RPGRIP1L: variants seen among roughly 807,000 people sequenced by gnomAD.
The protein encoded by RPGRIP1L is protein fantom.
A neutral mutation model predicts 160.4 loss-of-function variants in RPGRIP1L; 131 were observed. The ratio of observed to expected loss-of-function variants is 0.82; its 90% confidence interval spans 0.71 to 0.94. RPGRIP1L has a LOEUF of 0.94. RPGRIP1L is among the 40% of genes least tolerant of loss of function. The pLI is 0.00. For synonymous variants in RPGRIP1L, 510 were observed against 515.8 expected, an observed-to-expected ratio of 0.99 and a Z score of 0.15; for missense variants, 1,522 against 1,535.8, an observed-to-expected ratio of 0.99 and a Z score of 0.15.
At position 53,692,097 on chromosome 16, in the gene RPGRIP1L, T is replaced by C; in HGVS notation, c.498A>G (p.Glu166=). Residue 166 remains glutamate (E), a synonymous_variant, in exon 4 of 27, where the codon GAA becomes GAG. Coordinates refer to ENST00000647211, the MANE Select transcript of RPGRIP1L (RefSeq NM_015272.5). ...RINTGRRKAN[E]NAGLQECPRK... The stretch of plus-strand genomic sequence containing the variant: ...TGGGGCATTCCTGTAAACCAGCATT[T>C]TCATTTGCTTTTCTACGCCCAGTGT... The C allele has an allele frequency of 1.2e-6, 2 of 1,614,194 alleles. No homozygotes were observed. Among genetic ancestry groups the C allele is most frequent in the South Asian group, 2.2e-5 (2 of 91,080 alleles).
intron 5 of RPGRIP1L, among the ~76,000 whole-genome samples, chr16:53,687,576 T>C (rs1266585334): frequency 6.6e-6 from 1 of 152,140 alleles, no homozygotes; most frequent in Admixed American, 6.5e-5. Flanking sequence ...ATGTTGCCTC[T>C]AAATCTTACA....
At position 53,641,310 on chromosome 16, in the gene RPGRIP1L, GC is replaced by G; in HGVS notation, c.2848del (p.Ala950HisfsTer7). Reference protein sequence around the residue: ...EPEVVQRLPPASSVSTLVLAP... With the variant: ...EPEVVQRLPPXSSVSTLVLAP... ...TAAAACTAGTGTGCTAACAGAGGAT[GC>G]TGGAGGAAGTCTTTGAACAACTTCT... On this transcript the variant is annotated frameshift_variant, in exon 18 of 27. Transcript: ENST00000647211. LOFTEE classifies it high-confidence loss of function. 2 of 1,614,002 alleles carry G rather than the reference GC, an allele frequency of 1.2e-6. No individual in the cohort carries two copies. Among genetic ancestry groups the G allele is most frequent in the Non-Finnish European group, 1.7e-6 (2 of 1,179,956 alleles).
At chr16:53,610,936 C>T in intron 25 of RPGRIP1L, 31 bp downstream of exon 25, 1 of 1,479,784 alleles carries the variant, frequency 6.8e-7, no homozygotes. Flanking sequence ...TTTATGTAAA[C>T]CATTAGATTA....
chr16:53,699,839 A>AT (rs1971243183), intron 2 of RPGRIP1L, among the ~76,000 whole-genome samples: 1 of 151,352 alleles, frequency 6.6e-6, no homozygotes, highest in Admixed American at 6.6e-5. Flanking sequence ...AAAAAAAAAA[A>AT]ATTTCTGTGT....
intron 24 of RPGRIP1L, among the ~76,000 whole-genome samples, chr16:53,614,176 C>A (rs1406280498): frequency 3.3e-5 from 5 of 152,120 alleles, no homozygotes; most frequent in Non-Finnish European, 7.4e-5. Context: ...TATTTCTTGG[C>A]AGAAAACTTT....
At position 53,648,997 on chromosome 16, in the gene RPGRIP1L, T is replaced by C. The variant is rs2151101735; in HGVS notation, c.2271A>G (p.Thr757=). ...RERAKALGYI[T]SNFKGPEHMQ... ...TATGCTCTGGCCCCTTAAAATTTGA[T>C]GTTATATACCCCAAAGCCTTTGCCC... is the stretch of plus-strand genomic sequence containing the variant. Residue 757 remains threonine (T), a synonymous_variant, in exon 16 of 27, where the codon ACA becomes ACG. Transcript: ENST00000647211. The C allele has an allele frequency of 6.2e-7, 1 of 1,614,116 alleles. No individual in the cohort carries two copies. The highest frequency in any genetic ancestry group is 8.5e-7 in the Non-Finnish European group (1 of 1,179,976).
At chr16:53,680,097 T>G (rs565011875) in intron 6 of RPGRIP1L, among the ~76,000 whole-genome samples, 1 of 152,204 alleles carries the variant, frequency 6.6e-6, no homozygotes, top group African/African-American at 2.4e-5. Flanking sequence ...GTAACTATTA[T>G]CTGTGACAAT....
intron 4 of RPGRIP1L, among the ~76,000 whole-genome samples, chr16:53,690,069 A>G (rs1353231976): frequency 1.3e-5 from 2 of 152,234 alleles, no homozygotes; most frequent in Admixed American, 1.3e-4. Flanking sequence ...TCAAAGAGAA[A>G]GTCAAAACTT....
chr16:53,625,194 G>C lies in RPGRIP1L; in HGVS notation c.3295-2838C>G, dbSNP rs562745731. ...CTCTGCCCGGCCGCCACCCCGTCTAGGAAGTGAGGAGCGTCTCTGCCTGGC... is the reference window on the plus strand; with the variant it reads ...CTCTGCCCGGCCGCCACCCCGTCTACGAAGTGAGGAGCGTCTCTGCCTGGC... On this transcript the variant is annotated intron_variant, in intron 22 of 26. Transcript: ENST00000647211. Among the ~76,000 whole-genome samples, 11 of 152,286 alleles carry C rather than the reference G, an allele frequency of 7.2e-5. No individual in the cohort carries two copies. The South Asian group carries it at 2.3e-3, about 32-fold the overall frequency.
chr16:53,607,271 G>A (rs1244135824), intron 25 of RPGRIP1L, among the ~76,000 whole-genome samples: 3 of 152,172 alleles, frequency 2.0e-5, no homozygotes, highest in African/African-American at 7.2e-5. Flanking sequence ...TAAGCACTGA[G>A]TAAATGTTTG....
At chr16:53,690,692 C>T (rs769686263) in intron 4 of RPGRIP1L, among the ~76,000 whole-genome samples, 10 of 152,094 alleles carry the variant, frequency 6.6e-5, no homozygotes, top group Non-Finnish European at 1.3e-4. Flanking sequence ...GTTCCAGTTC[C>T]AGATGGCAAA....
In RPGRIP1L at chr16:53,652,584, G is replaced by A. The variant is rs540930741; in HGVS notation, c.2103C>T (p.His701=). Residue 701 remains histidine, a synonymous_variant, in exon 15 of 27, where the codon CAC becomes CAT. Transcript: ENST00000647211. ...TTCGGCCGCTTTTTTCAAGAATTTC[G>A]TGAAATTTTAATTGACATGCTGCAA... ...ETIAACQLKF[H]EILEKSGRIF... 1.7e-5 allele frequency: 27 copies of A among 1,613,856 alleles called. 1 individual carries two copies. Among genetic ancestry groups the A allele is most frequent in the South Asian group, 4.4e-5 (4 of 91,076 alleles).
Position 53,641,489 on chromosome 16 carries a change from A to G in RPGRIP1L, c.2684-14T>C. On this transcript the variant is annotated splice_polypyrimidine_tract_variant and intron_variant, in intron 17 of 26. Coordinates refer to ENST00000647211, the MANE Select transcript of RPGRIP1L (RefSeq NM_015272.5). ...ACTCAAATATTCCTGTCAAATTACAATAATTTTAATTAATGCTAGAGTGAA... is the reference window on the plus strand; with the variant it reads ...ACTCAAATATTCCTGTCAAATTACAGTAATTTTAATTAATGCTAGAGTGAA... The G allele has an allele frequency of 1.2e-6, 2 of 1,603,292 alleles. No homozygotes were observed. The highest frequency in any genetic ancestry group is 1.7e-4 in the Middle Eastern group (1 of 6,032).
At chr16:53,663,793 T>C (rs562204423) in intron 10 of RPGRIP1L, among the ~76,000 whole-genome samples, 1 of 152,252 alleles carries the variant, frequency 6.6e-6, no homozygotes, top group Admixed American at 6.5e-5. Context: ...TAAGACTCCA[T>C]TGATTATGTG....
chr16:53,619,069 G>A lies in RPGRIP1L; in HGVS notation c.3572C>T (p.Pro1191Leu), dbSNP rs2150964342. The A allele has an allele frequency of 6.2e-7, 1 of 1,613,964 alleles. No homozygotes were observed. The highest frequency in any genetic ancestry group is 2.2e-5 in the East Asian group (1 of 44,862). The change falls in exon 24 of 27, where the codon CCA becomes CTA. Residue 1191 changes from proline (P) to leucine (L), a missense_variant. Pro to Leu is a moderately conservative substitution (Grantham distance 98). Coordinates refer to ENST00000647211, the MANE Select transcript of RPGRIP1L (RefSeq NM_015272.5). ...LPAEETPVSL[P>L]KPKSGQWVYY... is the part of the protein sequence containing the mutation. ...GACCCACTGCCCACTCTTGGGTTTT[G>A]GAAGTGACACGGGTGTCTCTTCAGC...
chr16:53,654,539 G>A (rs998752617), intron 14 of RPGRIP1L, among the ~76,000 whole-genome samples: 3 of 152,136 alleles, frequency 2.0e-5, no homozygotes, highest in African/African-American at 7.2e-5. Context: ...TCTCCTCAAT[G>A]TTTCCTTGAT....
chr16:53,697,756 C>G (rs376054077), intron 2 of RPGRIP1L, among the ~76,000 whole-genome samples: 2 of 152,062 alleles, frequency 1.3e-5, no homozygotes, highest in African/African-American at 4.8e-5. Flanking sequence ...CCAAAGTGCC[C>G]AGAGTGCAGC....
chr16:53,656,518 A>G lies in RPGRIP1L; in HGVS notation c.1653T>C (p.Tyr551=), dbSNP rs747816609. 2 of 1,614,094 alleles carry G rather than the reference A, an allele frequency of 1.2e-6. No individual in the cohort carries two copies. Among genetic ancestry groups the G allele is most frequent in the Non-Finnish European group, 1.7e-6 (2 of 1,179,958 alleles). The change falls in exon 14 of 27, where the codon TAT becomes TAC. Residue 551 remains tyrosine, a synonymous_variant. Coordinates refer to ENST00000647211, the MANE Select transcript of RPGRIP1L (RefSeq NM_015272.5). ...CAGCCCTGATATCAAGAAGATGAACATACTGTTCCACTTTGAGTTCATAAT... is the reference window on the plus strand; with the variant it reads ...CAGCCCTGATATCAAGAAGATGAACGTACTGTTCCACTTTGAGTTCATAAT... The part of the protein sequence containing the change: ...QQDYELKVEQ[Y]VHLLDIRAAR...
intron 26 of RPGRIP1L, among the ~76,000 whole-genome samples, chr16:53,602,631 C>T (rs759878631): frequency 6.6e-5 from 10 of 152,032 alleles, no homozygotes; most frequent in South Asian, 2.1e-4. Context: ...CAAAATTAGC[C>T]GAGCATGGTG....
Sources: allele counts gnomAD v4.1 joint callset (sites outside exome capture counted in the v4.1 genomes callset), GRCh38; gene constraint gnomAD v4.1.1; transcripts MANE v1.5; gene names NCBI Gene and HGNC (gene_info 2026-07-23, HGNC 2026-07-21).